USO1: variants seen among roughly 807,000 people sequenced by gnomAD.
USO1 encodes the protein general vesicular transport factor p115.
A neutral mutation model predicts 124.5 loss-of-function variants in USO1; 57 were observed. The ratio of observed to expected loss-of-function variants is 0.46; its 90% CI spans 0.37 to 0.57. The LOEUF (loss-of-function observed/expected upper bound fraction) is 0.57, where lower values mean the gene tolerates loss of function less well. Among genes scored for constraint, USO1 ranks in the 20% least tolerant of loss-of-function variants. The pLI, the probability that USO1 is intolerant of heterozygous loss-of-function variation, is 0.00. For missense variants in USO1, 900 were observed against 1,040.6 expected (o/e 0.86, Z 1.86); for synonymous variants, 369 against 362.8 (o/e 1.02, Z -0.19).
chr4:75,791,977 C>T (rs1722544715), intron 12 of USO1, among the ~76,000 whole-genome samples: 1 of 149,966 alleles, frequency 6.7e-6, no homozygotes, highest in African/African-American at 2.5e-5. Flanking sequence ...GCCGAAAATA[C>T]TGTAATACAA....
At chr4:75,788,746 A>G (rs1450867868) in intron 10 of USO1, among the ~76,000 whole-genome samples, 1 of 151,690 alleles carries the variant, frequency 6.6e-6, no homozygotes, top group South Asian at 2.1e-4. Flanking sequence ...GTTCCACCAC[A>G]TTGGCCAGGC....
chr4:75,806,571 AG>A lies in USO1; in HGVS notation c.2376+1del, dbSNP rs1723003189. 1.3e-6 allele frequency: 2 copies of A among 1,553,126 alleles called. No individual in the cohort carries two copies. Among genetic ancestry groups the A allele is most frequent in the Non-Finnish European group, 1.7e-6 (2 of 1,147,770 alleles). ...TCTGAACAAGTTGCAGAATTAAAAC[AG>A]GTAATTTTCCACTTTGATCCAATTC... ...RDSEQVAELK[Q>X]ELATLKSQLN... is the part of the protein sequence containing the mutation. On this transcript the variant is annotated frameshift_variant and splice_region_variant, in exon 20 of 24. Transcript: ENST00000514213. LOFTEE classifies it high-confidence loss of function.
At chr4:75,786,394 T>C (rs1722361622) in intron 9 of USO1, among the ~76,000 whole-genome samples, 1 of 152,198 alleles carries the variant, frequency 6.6e-6, no homozygotes, top group Non-Finnish European at 1.5e-5. Context: ...TTTGCACATA[T>C]ATATACACAT....
At chr4:75,790,501 GTT>G in intron 11 of USO1, 140 bp from the exon 12 acceptor site, 1 of 1,338,412 alleles carries the variant, frequency 7.5e-7, no homozygotes. Flanking sequence ...GTCAGTTACA[GTT>G]TTCTGTGAAA....
intron 1 of USO1, among the ~76,000 whole-genome samples, chr4:75,739,538 CTTTTTTTTTTTT>C (rs753369609): frequency 1.9e-5 from 2 of 105,434 alleles, no homozygotes; most frequent in East Asian, 2.9e-4. Context: ...TTATCTTTTT[CTTTTTTTTTTTT>C]TTTTTTTTGA....
chr4:75,806,680 A>G (rs1195097581), intron 20 of USO1, 108 bp downstream of exon 20: 1 of 1,388,070 alleles, frequency 7.2e-7, no homozygotes, highest in Non-Finnish European at 9.6e-7. Flanking sequence ...TGTAAGTAAA[A>G]TTTAAGTTAA....
At chr4:75,770,346 G>A in intron 4 of USO1, 93 bp from the exon 5 acceptor site, 1 of 1,238,706 alleles carries the variant, frequency 8.1e-7, no homozygotes, top group Non-Finnish European at 1.1e-6. Context: ...TTGTTTACCA[G>A]GAAAATTATC....
At chr4:75,732,466 A>T (rs1444577598) in intron 1 of USO1, among the ~76,000 whole-genome samples, 1 of 152,194 alleles carries the variant, frequency 6.6e-6, no homozygotes, top group African/African-American at 2.4e-5. Context: ...GCTCCAGTGA[A>T]TATGCAAGTG....
At chr4:75,743,338 A>G (rs549441693) in intron 1 of USO1, among the ~76,000 whole-genome samples, 2 of 152,216 alleles carry the variant, frequency 1.3e-5, no homozygotes, top group South Asian at 4.1e-4. Context: ...TTCTGATGGT[A>G]ACATACTCAT....
At chr4:75,750,476 T>G (rs1345102508) in intron 1 of USO1, among the ~76,000 whole-genome samples, 3 of 152,130 alleles carry the variant, frequency 2.0e-5, no homozygotes, top group African/African-American at 7.2e-5. Flanking sequence ...ACATTTTTCT[T>G]TTTTTAATTT....
chr4:75,751,618 G>T (rs1721299565), intron 1 of USO1, among the ~76,000 whole-genome samples: 1 of 150,318 alleles, frequency 6.7e-6, no homozygotes, highest in South Asian at 2.1e-4. Flanking sequence ...ATCACCTGAA[G>T]TCAGGAGCTC....
chr4:75,757,670 G>A, intron 4 of USO1, 97 bp downstream of exon 4: 1 of 1,159,726 alleles, frequency 8.6e-7, no homozygotes. Flanking sequence ...TTTTATAAAT[G>A]TATAAGTTTT....
intron 23 of USO1, among the ~76,000 whole-genome samples, 174 bp downstream of exon 23, chr4:75,812,549 A>G (rs184446948): frequency 3.9e-5 from 6 of 152,320 alleles, no homozygotes; most frequent in African/African-American, 1.4e-4. Flanking sequence ...TTTACTTAAT[A>G]CACAGATTAG....
At chr4:75,811,356 A>G (rs1027948273) in intron 22 of USO1, among the ~76,000 whole-genome samples, 2 of 152,156 alleles carry the variant, frequency 1.3e-5, no homozygotes, top group Admixed American at 6.5e-5. Context: ...AGGATTCGCC[A>G]TGTTGGCCAG....
chr4:75,753,256 A>G (rs1200272014), intron 3 of USO1, among the ~76,000 whole-genome samples: 1 of 151,526 alleles, frequency 6.6e-6, no homozygotes, highest in Non-Finnish European at 1.5e-5. Context: ...AAATTAGGCC[A>G]GGCATGGTGT....
chr4:75,738,302 T>C (rs938916457), intron 1 of USO1, among the ~76,000 whole-genome samples: 3 of 151,460 alleles, frequency 2.0e-5, no homozygotes, highest in Non-Finnish European at 2.9e-5. Context: ...ACTAATAATA[T>C]AAAAATTAGC....
intron 1 of USO1, among the ~76,000 whole-genome samples, chr4:75,738,086 G>C (rs1473601756): frequency 2.0e-5 from 3 of 151,718 alleles, no homozygotes; most frequent in African/African-American, 7.3e-5. Flanking sequence ...GCCTGCCTTG[G>C]CCTCCCAGAG....
At chr4:75,763,481 T>C (rs1438785921) in intron 4 of USO1, among the ~76,000 whole-genome samples, 1 of 152,216 alleles carries the variant, frequency 6.6e-6, no homozygotes, top group Non-Finnish European at 1.5e-5. Flanking sequence ...TTAAAGTAGG[T>C]TAAACATATT....
At chr4:75,779,484 G>A (rs1722160534) in intron 8 of USO1, among the ~76,000 whole-genome samples, 1 of 152,184 alleles carries the variant, frequency 6.6e-6, no homozygotes, top group South Asian at 2.1e-4. Context: ...GTGAACACAT[G>A]AATAATTAGA....
Sources: gnomAD v4.1 joint callset for allele counts (sites outside exome capture counted in the v4.1 genomes callset) on GRCh38, gnomAD v4.1.1 for gene constraint, MANE v1.5 for transcripts, NCBI Gene and HGNC (gene_info 2026-07-23, HGNC 2026-07-21) for gene names.